Variants in NRXN2 observed in about 807,000 individuals in gnomAD.
NRXN2 encodes neurexin-2-beta.
In NRXN2, 29 loss-of-function variants were observed where a neutral mutation model predicts 128.8. That is an observed-to-expected ratio of 0.23 (90% CI 0.17 to 0.31). The LOEUF (loss-of-function observed/expected upper bound fraction) is 0.31, where lower values mean the gene tolerates loss of function less well. Among genes scored for constraint, NRXN2 ranks in the 10% least tolerant of loss-of-function variants. The pLI is 1.00. For synonymous variants in NRXN2, 1,098 were observed against 1,075.2 expected (o/e 1.02, Z -0.41); for missense variants, 1,881 against 2,452.6 (o/e 0.77, Z 4.92).
chr11:64,652,368 G>A (rs762579334), intron 12 of NRXN2, among the ~76,000 whole-genome samples: 1 of 152,028 alleles, frequency 6.6e-6, no homozygotes, highest in Non-Finnish European at 1.5e-5. Context: ...CCATGCACAC[G>A]CAGAGCTTTT....
At chr11:64,614,177 G>A (rs778355422) in intron 22 of NRXN2, among the ~76,000 whole-genome samples, 2 of 152,200 alleles carry the variant, frequency 1.3e-5, no homozygotes, top group Non-Finnish European at 1.5e-5. Flanking sequence ...GGACAATGGC[G>A]CAGTAAAACT....
chr11:64,706,518 C>T (rs776623415), intron 2 of NRXN2, among the ~76,000 whole-genome samples: 2 of 152,020 alleles, frequency 1.3e-5, no homozygotes, highest in African/African-American at 2.4e-5. Flanking sequence ...TATCCATTTC[C>T]CTCCCCAAAA....
rs535976150 is a variant in NRXN2, at chr11:64,679,896, G to T, written c.1153-2859C>A. On this transcript the variant is annotated intron_variant, in intron 6 of 22. Coordinates refer to ENST00000265459, the MANE Select transcript of NRXN2 (RefSeq NM_015080.4). Reference sequence around the variant, plus strand: ...CTGGTGGCCTCGGACACAGCACAGGGAAGGGGTACACAGCAGCCCAGGCCT... The same window carrying T: ...CTGGTGGCCTCGGACACAGCACAGGTAAGGGGTACACAGCAGCCCAGGCCT... 1.2e-3 allele frequency among the ~76,000 whole-genome samples: 176 copies of T among 152,250 alleles called. 1 individual carries two copies. The highest frequency in any genetic ancestry group is 1.8e-3 in the Non-Finnish European group (125 of 68,014).
At chr11:64,696,678 C>T (rs565922063) in intron 3 of NRXN2, among the ~76,000 whole-genome samples, 55 of 152,224 alleles carry the variant, frequency 3.6e-4, no homozygotes, top group Non-Finnish European at 6.2e-4. Flanking sequence ...CACACTCAGG[C>T]CAAGAGCCTC....
intron 3 of NRXN2, among the ~76,000 whole-genome samples, chr11:64,697,257 C>G (rs1372203204): frequency 6.6e-6 from 1 of 152,116 alleles, no homozygotes. Flanking sequence ...CCACTATACA[C>G]CTCCAACCCC....
chr11:64,651,152 T>C lies in NRXN2; in HGVS notation c.2918+103A>G, dbSNP rs1444144097. The C allele has an allele frequency of 3.3e-6, 5 of 1,498,252 alleles. No homozygotes were observed. Among genetic ancestry groups the C allele is most frequent in the Non-Finnish European group, 4.6e-6 (5 of 1,086,516 alleles). 92.8% of individuals were successfully genotyped at this position (1,498,252 alleles called of 1,614,324 possible). A position where few individuals can be genotyped will look rare whatever the true frequency, so the allele number is the denominator to read the frequency against. On this transcript the variant is annotated intron_variant, in intron 14 of 22. Transcript: ENST00000265459. This position sits in a 1 kb window ranked among gnomAD's most constrained non-coding sequence, Gnocchi z 5.9. ...GGGACCTGAATCTTGACTTGTGATC[T>C]GGGGGGATTGGACACCTCGGCCAGT... is the stretch of plus-strand genomic sequence containing the variant.
chr11:64,713,236 A>G lies in NRXN2; in HGVS notation c.464T>C (p.Ile155Thr). The change falls in exon 2 of 23, where the codon ATC becomes ACC. Residue 155 changes from isoleucine (I) to threonine (T), a missense_variant. By Grantham distance (89) the Ile-to-Thr change is moderately conservative. Transcript: ENST00000265459. The part of the protein sequence containing the change: ...QVASDLFVGG[I>T]PPDVRLSALT... The stretch of plus-strand genomic sequence containing the variant: ...CGCCGAGAGGCGCACGTCGGGCGGG[A>G]TGCCGCCCACGAACAGGTCGCTGGC... 6.8e-7 allele frequency: 1 copy of G among 1,463,008 alleles called. No individual in the cohort carries two copies. Among genetic ancestry groups the G allele is most frequent in the Non-Finnish European group, 9.0e-7 (1 of 1,111,254 alleles). The allele number at this position is 1,463,008 out of a possible 1,614,324, so 90.6% of individuals were successfully genotyped here.
chr11:64,677,269 G>A (rs927052148), intron 6 of NRXN2, among the ~76,000 whole-genome samples: 1 of 152,160 alleles, frequency 6.6e-6, no homozygotes, highest in African/African-American at 2.4e-5. Flanking sequence ...AATGGGGGGA[G>A]GAGAAATAAA....
In NRXN2 at chr11:64,684,815, G is replaced by A. The variant is rs541546323; in HGVS notation, c.1152+831C>T. Among the ~76,000 whole-genome samples the A allele has an allele frequency of 7.2e-5, 11 of 152,268 alleles. No individual in the cohort carries two copies. The East Asian group carries it at 1.9e-3, about 27-fold the overall frequency. ...CCTGGGCCTTGGGAAAGGTGAAGAGGACCACTTCTAAGAGGACCTGTCCAG... is the reference window on the plus strand; with the variant it reads ...CCTGGGCCTTGGGAAAGGTGAAGAGAACCACTTCTAAGAGGACCTGTCCAG... On this transcript the variant is annotated intron_variant, in intron 6 of 22. Transcript: ENST00000265459.
In NRXN2 at chr11:64,607,207, A is replaced by ACTC; in HGVS notation, c.5125_5127dup (p.Glu1709dup). ...GCAGTGCCGGGGGCTCAGACATAATACTCCTTGTCTTTGTTCTTCTTGGCC... is the reference window on the plus strand; with the variant it reads ...GCAGTGCCGGGGGCTCAGACATAATACTCCTCCTTGTCTTTGTTCTTCTTGGCC... On this transcript the variant is annotated inframe_insertion, in exon 23 of 23. Coordinates refer to ENST00000265459, the MANE Select transcript of NRXN2 (RefSeq NM_015080.4). 3.1e-6 allele frequency: 5 copies of ACTC among 1,609,242 alleles called. No individual in the cohort carries two copies. Among genetic ancestry groups the ACTC allele is most frequent in the Non-Finnish European group, 4.2e-6 (5 of 1,178,654 alleles).
intron 7 of NRXN2, among the ~76,000 whole-genome samples, chr11:64,673,615 A>C (rs2050906182): frequency 6.6e-6 from 1 of 152,182 alleles, no homozygotes; most frequent in South Asian, 2.1e-4. Context: ...GACTTTAGAG[A>C]CTCAGAATTT....
At chr11:64,683,089 G>T (rs997484891) in intron 6 of NRXN2, among the ~76,000 whole-genome samples, 19 of 152,152 alleles carry the variant, frequency 1.2e-4, no homozygotes, top group African/African-American at 4.1e-4. Flanking sequence ...CTCCCCAGAA[G>T]GCCATCTCCC....
rs2043731958 is a variant in NRXN2, at chr11:64,630,415, C to G, written c.3744G>C (p.Glu1248Asp). The G allele has an allele frequency of 6.2e-7, 1 of 1,612,220 alleles. No homozygotes were observed. Among genetic ancestry groups the G allele is most frequent in the Non-Finnish European group, 8.5e-7 (1 of 1,179,560 alleles). Residue 1248 changes from glutamate (E) to aspartate (D), a missense_variant, in exon 19 of 23, where the codon GAG becomes GAC. Glu to Asp is a conservative substitution (Grantham distance 45). Around this residue, in one of 7 missense-constraint regions of NRXN2, gnomAD observed 390 missense variants for 599.6 expected, o/e 0.65. Transcript: ENST00000265459. This position sits in a 1 kb window ranked among gnomAD's most constrained non-coding sequence, Gnocchi z 4.6. ...TLQVDSWPVNERYPAGNFDNE... is the reference protein window; with the variant it reads ...TLQVDSWPVNDRYPAGNFDNE... ...CGCGCCGCCTACCTGCCGGGTACCGCTCGTTGACCGGCCAGCTGTCCACCT... is the reference window on the plus strand; with the variant it reads ...CGCGCCGCCTACCTGCCGGGTACCGGTCGTTGACCGGCCAGCTGTCCACCT...
chr11:64,620,867 C>T (rs990755872), intron 21 of NRXN2, among the ~76,000 whole-genome samples: 4 of 151,266 alleles, frequency 2.6e-5, no homozygotes, highest in African/African-American at 9.7e-5. Flanking sequence ...CTGAGAGAGC[C>T]GGGCTGCACA....
rs1380985277 is a variant in NRXN2, at chr11:64,607,867, T to C, written c.4468A>G (p.Ile1490Val). 3 of 1,592,044 alleles carry C rather than the reference T, an allele frequency of 1.9e-6. No individual in the cohort carries two copies. The highest frequency in any genetic ancestry group is 4.6e-5 in the East Asian group (2 of 43,594). Reference protein sequence around the residue: ...ERDDSDCEEPIEASGFASGEV... With the variant: ...ERDDSDCEEPVEASGFASGEV... The stretch of plus-strand genomic sequence containing the variant: ...CCGGAGGCGAAGCCCGAGGCCTCGA[T>C]GGGCTCCTCGCAGTCGCTGTCGTCC... The change falls in exon 23 of 23, where the codon ATC becomes GTC. Residue 1490 changes from isoleucine (I) to valine (V), a missense_variant. Around this residue, in one of 7 missense-constraint regions of NRXN2, gnomAD observed 310 missense variants for 318.2 expected, o/e 0.97. Coordinates refer to ENST00000265459, the MANE Select transcript of NRXN2 (RefSeq NM_015080.4).
In NRXN2 at chr11:64,607,805, G is replaced by A. The variant is rs757921046; in HGVS notation, c.4530C>T (p.Asp1510=). 17 of 1,601,298 alleles carry A rather than the reference G, an allele frequency of 1.1e-5. No homozygotes were observed. The African/African-American group carries it at 1.2e-4, about 11-fold the overall frequency. ...VFDSSLPPTD[D]EDFYTTFPLV... The stretch of plus-strand genomic sequence containing the variant: ...GGGGAAAGGTGGTGTAAAAGTCCTC[G>A]TCGTCCGTGGGGGGGAGGCTGGAGT... The change falls in exon 23 of 23, where the codon GAC becomes GAT. Residue 1510 remains aspartate, a synonymous_variant. Coordinates refer to ENST00000265459, the MANE Select transcript of NRXN2 (RefSeq NM_015080.4).
intron 6 of NRXN2, among the ~76,000 whole-genome samples, chr11:64,684,916 G>A (rs1364743130): frequency 6.6e-6 from 1 of 152,170 alleles, no homozygotes; most frequent in African/African-American, 2.4e-5. Flanking sequence ...GCGTGGGCTT[G>A]CCCAGGAGCC....
At chr11:64,638,178 C>T (rs1394613166) in intron 17 of NRXN2, among the ~76,000 whole-genome samples, 2 of 152,228 alleles carry the variant, frequency 1.3e-5, no homozygotes, top group Admixed American at 1.3e-4. Context: ...GCTGCCCAAG[C>T]CCAGACCTCC....
rs2045984239 is a variant in NRXN2, at chr11:64,643,039, G to A, written c.3403+5180C>T. ...GGTCCAGGATGCCTGGGTCCATCGC[G>A]AGGAGCTAGGGGTCTCTCTGCATCC... is the stretch of plus-strand genomic sequence containing the variant. On this transcript the variant is annotated intron_variant, in intron 17 of 22. Transcript: ENST00000265459. 1.4e-5 allele frequency: 14 copies of A among 999,696 alleles called. No individual in the cohort carries two copies. The South Asian group carries it at 6.1e-4, about 43-fold the overall frequency. 61.9% of individuals were successfully genotyped at this position (999,696 alleles called of 1,614,324 possible). A position where few individuals can be genotyped will look rare whatever the true frequency, so the allele number is the denominator to read the frequency against.
Sources: allele counts gnomAD v4.1 joint callset (sites outside exome capture counted in the v4.1 genomes callset), GRCh38; gene constraint gnomAD v4.1.1; regional missense constraint gnomAD v4.1.1; non-coding constraint Gnocchi (gnomAD v3.1); transcripts MANE v1.5; gene names NCBI Gene and HGNC (gene_info 2026-07-23, HGNC 2026-07-21).